Variants in EXOC4 observed in about 807,000 individuals in gnomAD.
The protein encoded by EXOC4 is SEC8-like 1.
In EXOC4, 71 loss-of-function variants were observed where a neutral mutation model predicts 107.2. The ratio of observed to expected loss-of-function variants is 0.66; its 90% CI spans 0.55 to 0.81. The LOEUF is 0.81. Ranked by LOEUF, EXOC4 falls within the 30% of genes least tolerant of loss-of-function variation. The probability of loss-of-function intolerance (pLI) is 0.00; values close to 1 mark genes in which losing one functional copy is unlikely to be tolerated. For synonymous variants in EXOC4, 456 were observed against 441.2 expected (o/e 1.03, Z -0.42); for missense variants, 1,108 against 1,189.6 (o/e 0.93, Z 1.01).
chr7:133,971,394 AGAGAGAG>A (rs1194906521), intron 14 of EXOC4, among the ~76,000 whole-genome samples: 47 of 141,382 alleles, frequency 3.3e-4, no homozygotes, highest in South Asian at 1.2e-3. Context: ...AGAGAGAGAG[AGAGAGAG>A]AAAGAGAGAG....
intron 9 of EXOC4, among the ~76,000 whole-genome samples, chr7:133,482,607 A>G (rs574589611): frequency 6.6e-6 from 1 of 152,182 alleles, no homozygotes; most frequent in Admixed American, 6.5e-5. Context: ...TTAGATACCT[A>G]GCTCCCCAGC....
chr7:133,983,241 C>G (rs1400311122), intron 14 of EXOC4, among the ~76,000 whole-genome samples: 1 of 152,150 alleles, frequency 6.6e-6, no homozygotes, highest in Non-Finnish European at 1.5e-5. Context: ...GACCCAAACA[C>G]CTCCCACTAG....
At chr7:133,981,237 G>C (rs1395500463) in intron 14 of EXOC4, among the ~76,000 whole-genome samples, 1 of 152,166 alleles carries the variant, frequency 6.6e-6, no homozygotes, top group Non-Finnish European at 1.5e-5. Context: ...CAGTTGTCCA[G>C]ATGTTATCCA....
chr7:133,364,548 C>T (rs547335063), intron 6 of EXOC4, among the ~76,000 whole-genome samples: 1 of 152,254 alleles, frequency 6.6e-6, no homozygotes, highest in African/African-American at 2.4e-5. Flanking sequence ...ACCCACATCA[C>T]CAGTGTCACT....
chr7:133,255,288 T>C (rs1794990460), intron 1 of EXOC4, among the ~76,000 whole-genome samples: 1 of 152,134 alleles, frequency 6.6e-6, no homozygotes, highest in Non-Finnish European at 1.5e-5. Flanking sequence ...GTGATTCTTC[T>C]GCTTCAGCTT....
At chr7:134,025,439 G>A (rs1219404194) in intron 17 of EXOC4, among the ~76,000 whole-genome samples, 1 of 152,218 alleles carries the variant, frequency 6.6e-6, no homozygotes, top group South Asian at 2.1e-4. Flanking sequence ...CCAAAGCGCA[G>A]TACCTAAAAC....
chr7:133,780,600 G>C (rs1367345047), intron 10 of EXOC4, among the ~76,000 whole-genome samples: 1 of 152,134 alleles, frequency 6.6e-6, no homozygotes, highest in Non-Finnish European at 1.5e-5. Flanking sequence ...AATGATTCCT[G>C]GGAGAGATGT....
Position 133,268,039 on chromosome 7 carries a change from C to A in EXOC4, c.87-6943C>A, listed in dbSNP as rs1187927226. Among the ~76,000 whole-genome samples, 5 of 152,110 alleles carry A rather than the reference C, an allele frequency of 3.3e-5. No individual in the cohort carries two copies. In the East Asian group the frequency reaches 9.6e-4, roughly 29 times the overall value. Reference sequence around the variant, plus strand: ...GATTCATAGATTATTTATTTTGTTCCCAATAATATATCAGACAACACTTCC... The same window carrying A: ...GATTCATAGATTATTTATTTTGTTCACAATAATATATCAGACAACACTTCC... On this transcript the variant is annotated intron_variant, in intron 1 of 17. Transcript: ENST00000253861.
chr7:133,684,875 G>A (rs750269935), intron 10 of EXOC4, among the ~76,000 whole-genome samples: 21 of 152,118 alleles, frequency 1.4e-4, no homozygotes, highest in Non-Finnish European at 3.1e-4. Context: ...TGTACAAGAG[G>A]GGATGGAGAA....
chr7:133,843,083 T>C (rs1325661833), intron 11 of EXOC4, among the ~76,000 whole-genome samples: 1 of 152,228 alleles, frequency 6.6e-6, no homozygotes, highest in Non-Finnish European at 1.5e-5. Context: ...GTAGTATAGT[T>C]TGAAGTTGGG....
chr7:133,987,702 A>T (rs1794151170), intron 14 of EXOC4, among the ~76,000 whole-genome samples: 1 of 152,186 alleles, frequency 6.6e-6, no homozygotes, highest in Admixed American at 6.5e-5. Context: ...GTTTGAATTC[A>T]CAGTGTTAAC....
intron 7 of EXOC4, among the ~76,000 whole-genome samples, chr7:133,470,831 A>C (rs1383299588): frequency 1.3e-5 from 2 of 152,236 alleles, no homozygotes; most frequent in Non-Finnish European, 2.9e-5. Flanking sequence ...TCTTTGTTCC[A>C]GAATTTCAAT....
chr7:134,092,842 G>A, the EXOC4 span, among the ~76,000 whole-genome samples: 3 of 149,628 alleles, frequency 2.0e-5, no homozygotes, highest in Admixed American at 6.7e-5. Context: ...AGAATTGCTC[G>A]AACCCAGGAG....
At chr7:133,503,491 C>A (rs1419152962) in intron 9 of EXOC4, among the ~76,000 whole-genome samples, 2 of 152,082 alleles carry the variant, frequency 1.3e-5, no homozygotes, top group Admixed American at 6.6e-5. Flanking sequence ...AATCCTCCTT[C>A]CTTTGTTGAT....
chr7:134,021,060 T>C (rs1193101576), intron 17 of EXOC4, among the ~76,000 whole-genome samples: 1 of 151,956 alleles, frequency 6.6e-6, no homozygotes, highest in Non-Finnish European at 1.5e-5. Flanking sequence ...TGCCTAGAGT[T>C]CCATGACATA....
chr7:133,857,461 G>A (rs890194065), intron 11 of EXOC4, among the ~76,000 whole-genome samples: 12 of 127,222 alleles, frequency 9.4e-5, no homozygotes, highest in Non-Finnish European at 1.5e-4. Context: ...GGCTGGCGGC[G>A]CCTCTGCTTG....
chr7:134,008,867 G>C (rs905213603), intron 17 of EXOC4, among the ~76,000 whole-genome samples: 1 of 152,070 alleles, frequency 6.6e-6, no homozygotes, highest in Admixed American at 6.5e-5. Flanking sequence ...CTGGCCTCAC[G>C]CAATCCTCCT....
rs114499026 is a variant in EXOC4 at position 134,004,846 on chromosome 7, C to A, written c.2349-66C>A. 1,338 of 1,388,726 alleles carry A rather than the reference C, an allele frequency of 9.6e-4. 11 individuals are homozygous for A. In the African/African-American group the frequency reaches 0.017, roughly 17 times the overall value. The allele number at this position is 1,388,726 out of a possible 1,614,324, so 86.0% of individuals were successfully genotyped here. On this transcript the variant is annotated intron_variant, in intron 15 of 17. Coordinates refer to ENST00000253861, the MANE Select transcript of EXOC4 (RefSeq NM_021807.4). The stretch of plus-strand genomic sequence containing the variant: ...TTATTAGTTATTTTGGTGCTCTGTC[C>A]CAAGATCATTGCCCTCCCTGGAAGG...
intron 12 of EXOC4, among the ~76,000 whole-genome samples, chr7:133,899,371 A>G (rs1799397803): frequency 2.0e-5 from 3 of 152,152 alleles, no homozygotes; most frequent in South Asian, 4.1e-4. Context: ...CCAATCATTT[A>G]TGTTCCTGCC....
Sources: gnomAD v4.1 joint callset for allele counts (sites outside exome capture counted in the v4.1 genomes callset) on GRCh38, gnomAD v4.1.1 for gene constraint, MANE v1.5 for transcripts, NCBI Gene and HGNC (gene_info 2026-07-23, HGNC 2026-07-21) for gene names.